Variants in LRP12 observed in about 807,000 individuals in gnomAD.
LRP12 encodes the protein LDL receptor related protein 12.
LRP12 carries 14 observed loss-of-function variants against 66.0 expected under a neutral mutation model. That is an observed-to-expected ratio of 0.21 (90% CI 0.14 to 0.33). LRP12 has a LOEUF of 0.33. LRP12 is among the 10% of genes least tolerant of loss of function. LRP12 has a pLI of 1.00. For synonymous variants in LRP12, 357 were observed against 359.1 expected (o/e 0.99, Z 0.07); for missense variants, 889 against 1,053.4 (o/e 0.84, Z 2.16).
intron 6 of LRP12, among the ~76,000 whole-genome samples, chr8:104,492,293 A>G (rs1810647483): frequency 6.6e-6 from 1 of 152,212 alleles, no homozygotes; most frequent in African/African-American, 2.4e-5. Flanking sequence ...AGCTGTAATT[A>G]GTGTACATGA....
chr8:104,497,824 A>G lies in LRP12; in HGVS notation c.728T>C (p.Ile243Thr), dbSNP rs1280990448. The change falls in exon 5 of 7, where the codon ATT (isoleucine) becomes ACT (threonine). Residue 243 changes from isoleucine to threonine, a missense_variant. This residue lies in a region of LRP12 where 800 missense variants were observed against 964.5 expected (regional missense o/e 0.83). Coordinates refer to ENST00000276654, the MANE Select transcript of LRP12 (RefSeq NM_013437.5). This position sits in a 1 kb window ranked among gnomAD's most constrained non-coding sequence, Gnocchi z 4.3. ...CTCATCTCCTAGGTCAAGGCAGTCA[A>G]TGTTCCCATCACATTTTAAAGATTC... is the stretch of plus-strand genomic sequence containing the variant. ...LPESLKCDGN[I>T]DCLDLGDEID... 1 of 1,614,222 alleles carries G rather than the reference A, an allele frequency of 6.2e-7. No homozygotes were observed. The highest frequency in any genetic ancestry group is 1.1e-5 in the South Asian group (1 of 91,088).
At chr8:104,549,990 T>A (rs942382760) in intron 1 of LRP12, among the ~76,000 whole-genome samples, 2 of 152,184 alleles carry the variant, frequency 1.3e-5, no homozygotes, top group African/African-American at 4.8e-5. Flanking sequence ...GTTCTCAGCA[T>A]ACATGTTCAA....
intron 1 of LRP12, among the ~76,000 whole-genome samples, chr8:104,575,589 G>A (rs1196909290): frequency 6.6e-6 from 1 of 151,910 alleles, no homozygotes; most frequent in Non-Finnish European, 1.5e-5. Flanking sequence ...AACACTCGAA[G>A]TTATCAAATA....
Position 104,497,903 on chromosome 8 carries a change from A to C in LRP12, c.649T>G (p.Tyr217Asp), listed in dbSNP as rs35252582. ...PTAAAFQPCA[Y>D]NQFQCLSRFT... Reference sequence around the variant, plus strand: ...CGGGATAAACACTGGAACTGGTTGTAAGCACAGGGTTGAAAAGCAGCAGCA... The same window carrying C: ...CGGGATAAACACTGGAACTGGTTGTCAGCACAGGGTTGAAAAGCAGCAGCA... Residue 217 changes from tyrosine (Y) to aspartate (D), a missense_variant, in exon 5 of 7, where the codon TAC becomes GAC. Around this residue, in one of 3 missense-constraint regions of LRP12, gnomAD observed 800 missense variants for 964.5 expected, o/e 0.83. Coordinates refer to ENST00000276654, the MANE Select transcript of LRP12 (RefSeq NM_013437.5). The surrounding 1 kb of genome is among the most constrained non-coding windows in gnomAD (Gnocchi z 4.3). 4.6e-5 allele frequency: 75 copies of C among 1,614,192 alleles called. No individual in the cohort carries two copies. The African/African-American group carries it at 9.6e-4, about 21-fold the overall frequency.
intron 1 of LRP12, among the ~76,000 whole-genome samples, chr8:104,547,527 T>TAC: frequency 8.0e-6 from 1 of 124,966 alleles, no homozygotes; most frequent in African/African-American, 3.3e-5. Flanking sequence ...ATATAATTGT[T>TAC]ATATTTTGTA....
chr8:104,567,403 T>C (rs954977991), intron 1 of LRP12, among the ~76,000 whole-genome samples: 2 of 152,030 alleles, frequency 1.3e-5, no homozygotes, highest in African/African-American at 4.8e-5. Flanking sequence ...ATCACGAGAA[T>C]AGCACGGGAA....
chr8:104,570,167 T>C (rs902209172), intron 1 of LRP12, among the ~76,000 whole-genome samples: 1 of 152,156 alleles, frequency 6.6e-6, no homozygotes, highest in African/African-American at 2.4e-5. Context: ...TCTGCATTCA[T>C]GGATTAGAAA....
intron 3 of LRP12, 116 bp downstream of exon 3, chr8:104,508,820 CTTT>C (rs1810946014): frequency 1.1e-6 from 1 of 879,606 alleles, no homozygotes; most frequent in Non-Finnish European, 1.7e-6. Context: ...AATAGCTGTT[CTTT>C]ATTACATCTC....
intron 2 of LRP12, among the ~76,000 whole-genome samples, chr8:104,523,869 A>G (rs1811187432): frequency 6.6e-6 from 1 of 152,224 alleles, no homozygotes; most frequent in Non-Finnish European, 1.5e-5. Context: ...TACAGTATCA[A>G]TAAATACAGT....
In LRP12 at chr8:104,531,943, G is replaced by C. The variant is rs1199922527; in HGVS notation, c.100C>G (p.His34Asp). 6.3e-7 allele frequency: 1 copy of C among 1,588,560 alleles called. No individual in the cohort carries two copies. Among genetic ancestry groups the C allele is most frequent in the Non-Finnish European group, 8.6e-7 (1 of 1,169,376 alleles). ...GVYGNGALAE[H>D]SENVHISGVS... The stretch of plus-strand genomic sequence containing the variant: ...CCTGAAATATGCACATTTTCAGAAT[G>C]TTCTGCAAGAGCACCATTTCCTAAA... Residue 34 changes from histidine to aspartate, a missense_variant, in exon 2 of 7, where the codon CAT becomes GAT. Physicochemically the swap from His to Asp is moderately conservative, Grantham distance 81 (BLOSUM62 -1). This residue lies in a region of LRP12 where 88 missense variants were observed against 72.5 expected (regional missense o/e 1.21). Transcript: ENST00000276654.
chr8:104,497,319 G>C lies in LRP12; in HGVS notation c.1233C>G (p.Thr411=), dbSNP rs765120845. Residue 411 remains threonine, a synonymous_variant, in exon 5 of 7, where the codon ACC becomes ACG. Transcript: ENST00000276654. This position sits in a 1 kb window ranked among gnomAD's most constrained non-coding sequence, Gnocchi z 4.3. ...ATGGAAATTCTTCCTTCTGGCACAT[G>C]GTACAATTGGTTTCATCCCTTCCAT... is the stretch of plus-strand genomic sequence containing the variant. ...CPNGRDETNC[T]MCQKEEFPCS... The C allele has an allele frequency of 1.9e-6, 3 of 1,614,078 alleles. No individual in the cohort carries two copies. Among genetic ancestry groups the C allele is most frequent in the Middle Eastern group, 1.6e-4 (1 of 6,062 alleles).
chr8:104,568,988 T>C (rs1186098901), intron 1 of LRP12, among the ~76,000 whole-genome samples: 3 of 152,178 alleles, frequency 2.0e-5, no homozygotes, highest in Admixed American at 6.5e-5. Context: ...ATTCATAGCA[T>C]TATTCATAAT....
At chr8:104,516,179 A>G (rs1019895853) in intron 2 of LRP12, among the ~76,000 whole-genome samples, 2 of 152,196 alleles carry the variant, frequency 1.3e-5, no homozygotes, top group Non-Finnish European at 2.9e-5. Flanking sequence ...TAAATTTTCT[A>G]TAACCCAGAA....
At chr8:104,553,495 T>C (rs899452943) in intron 1 of LRP12, among the ~76,000 whole-genome samples, 3 of 152,114 alleles carry the variant, frequency 2.0e-5, no homozygotes, top group Non-Finnish European at 4.4e-5. Flanking sequence ...TGGCGACCTG[T>C]ATGATACAGC....
At position 104,520,965 on chromosome 8, in the gene LRP12, A is replaced by G. The variant is rs182872987; in HGVS notation, c.136+10942T>C. Among the ~76,000 whole-genome samples the G allele has an allele frequency of 3.3e-5, 5 of 152,200 alleles. 1 individual carries two copies. Among genetic ancestry groups the G allele is most frequent in the Admixed American group, 3.3e-4 (5 of 15,280 alleles). On this transcript the variant is annotated intron_variant, in intron 2 of 6. Coordinates refer to ENST00000276654, the MANE Select transcript of LRP12 (RefSeq NM_013437.5). ...TGAAATGGATATATCCATCAGATGA[A>G]CTTCACTTCTACCATCTAAGCACTG...
intron 1 of LRP12, among the ~76,000 whole-genome samples, chr8:104,576,453 G>T (rs192602964): frequency 6.6e-6 from 1 of 152,248 alleles, no homozygotes; most frequent in East Asian, 1.9e-4. Context: ...AAGAGACTGG[G>T]GGCCAATATT....
At position 104,490,004 on chromosome 8, in the gene LRP12, T is replaced by C. The variant is rs1250246607; in HGVS notation, c.*669A>G. 1.3e-5 allele frequency: 2 copies of C among 152,672 alleles called. No individual in the cohort carries two copies. The highest frequency in any genetic ancestry group is 1.3e-4 in the Admixed American group (2 of 15,292). The allele number at this position is 152,672 out of a possible 1,614,324, so 9.5% of individuals were successfully genotyped here. On this transcript the variant is annotated 3_prime_UTR_variant, in exon 7 of 7. Transcript: ENST00000276654. ...ACTTGGGATTTTACCATTTGGTTTG[T>C]ACCATGTTAGAGTATTAAAGTCAAC...
chr8:104,554,146 C>T (rs1173405998), intron 1 of LRP12, among the ~76,000 whole-genome samples: 5 of 152,136 alleles, frequency 3.3e-5, no homozygotes, highest in Non-Finnish European at 7.4e-5. Flanking sequence ...CCGAGATCTT[C>T]CCTCTGACAT....
intron 1 of LRP12, among the ~76,000 whole-genome samples, chr8:104,557,958 C>T (rs1038478787): frequency 2.0e-5 from 3 of 152,044 alleles, no homozygotes; most frequent in African/African-American, 7.2e-5. Flanking sequence ...TCCTGTAATC[C>T]CACCACTCTG....
Sources: allele counts gnomAD v4.1 joint callset (sites outside exome capture counted in the v4.1 genomes callset), GRCh38; gene constraint gnomAD v4.1.1; regional missense constraint gnomAD v4.1.1; non-coding constraint Gnocchi (gnomAD v3.1); transcripts MANE v1.5; gene names NCBI Gene and HGNC (gene_info 2026-07-23, HGNC 2026-07-21).